The following KIAA1217 variants were observed in gnomAD, a reference collection of about 807,000 sequenced individuals.
KIAA1217 encodes the protein sickle tail protein homolog.
In KIAA1217, 88 loss-of-function variants were observed where a neutral mutation model predicts 163.9. That is an observed-to-expected ratio of 0.54 (90% CI 0.45 to 0.64). The LOEUF is 0.64. KIAA1217 is among the 30% of genes least tolerant of loss of function. KIAA1217 has a pLI of 0.00. For synonymous variants in KIAA1217, 903 were observed against 923.1 expected, an observed-to-expected ratio of 0.98 and a Z score of 0.39; for missense variants, 2,372 against 2,475.0, an observed-to-expected ratio of 0.96 and a Z score of 0.88.
intron 2 of KIAA1217, among the ~76,000 whole-genome samples, chr10:24,287,444 A>G (rs184942706): frequency 9.8e-5 from 15 of 152,348 alleles, no homozygotes; most frequent in Non-Finnish European, 1.6e-4. Context: ...TTAGGCCGAC[A>G]AATCAAGTTT....
chr10:23,810,551 T>C (rs1291725771), intron 1 of KIAA1217, among the ~76,000 whole-genome samples: 1 of 134,846 alleles, frequency 7.4e-6, no homozygotes. Flanking sequence ...GTATAATCTA[T>C]ATATAGTATA....
chr10:23,766,519 A>T (rs1178796505), intron 1 of KIAA1217, among the ~76,000 whole-genome samples: 1 of 149,520 alleles, frequency 6.7e-6, no homozygotes, highest in Non-Finnish European at 1.5e-5. Flanking sequence ...AAGTTAGTTG[A>T]TTCTCTGGGA....
In KIAA1217 at chr10:24,264,799, C is replaced by CTCAT. The variant is rs1490955540; in HGVS notation, c.354+44892_354+44893insATTC. 3.5e-5 allele frequency among the ~76,000 whole-genome samples: 5 copies of CTCAT among 144,658 alleles called. No homozygotes were observed. The South Asian group carries it at 1.1e-3, about 32-fold the overall frequency. 94.9% of individuals were successfully genotyped at this position (144,658 alleles called of 152,430 possible). A position where few individuals can be genotyped will look rare whatever the true frequency, so the allele number is the denominator to read the frequency against. Reference sequence around the variant, plus strand: ...TCTCTCTCTCTCTCTCTCTCTCTCTCTCTCATTCTCTCTTTCTCTCTCTCT... The same window carrying CTCAT: ...TCTCTCTCTCTCTCTCTCTCTCTCTCTCATTCTCATTCTCTCTTTCTCTCTCTCT... On this transcript the variant is annotated intron_variant, in intron 2 of 20. Transcript: ENST00000376454.
At chr10:23,923,400 C>T (rs183145323) in intron 1 of KIAA1217, among the ~76,000 whole-genome samples, 27 of 152,234 alleles carry the variant, frequency 1.8e-4, no homozygotes, top group Non-Finnish European at 3.5e-4. Context: ...GGATAATGGC[C>T]CCTCAAAGAT....
At chr10:23,976,452 C>T (rs1320000974) in intron 1 of KIAA1217, among the ~76,000 whole-genome samples, 1 of 152,186 alleles carries the variant, frequency 6.6e-6, no homozygotes, top group Non-Finnish European at 1.5e-5. Flanking sequence ...CCCACAGGCA[C>T]ATCTTCTATT....
intron 1 of KIAA1217, among the ~76,000 whole-genome samples, chr10:23,785,599 C>T (rs1339641010): frequency 1.3e-5 from 2 of 152,254 alleles, no homozygotes; most frequent in East Asian, 3.9e-4. Flanking sequence ...ACTTTTAACT[C>T]CCCTCTGCCA....
chr10:23,990,632 T>A lies in KIAA1217; in HGVS notation c.-320-16593T>A, dbSNP rs553663862. Among the ~76,000 whole-genome samples the A allele has an allele frequency of 1.8e-4, 28 of 152,328 alleles. No homozygotes were observed. In the South Asian group the frequency reaches 5.4e-3, roughly 29 times the overall value. On this transcript the variant is annotated intron_variant, in intron 1 of 18. Coordinates refer to the KIAA1217 transcript ENST00000376462. The stretch of plus-strand genomic sequence containing the variant: ...AGCATGCACTTTGTTTTTTTCTGAT[T>A]TTTTTCAAAGTAGGCATATCTGTTT...
intron 1 of KIAA1217, among the ~76,000 whole-genome samples, chr10:23,818,072 C>T (rs112817261): frequency 1.7e-5 from 2 of 119,120 alleles, no homozygotes; most frequent in East Asian, 2.2e-4. Context: ...TATATATATA[C>T]ACACACACAT....
At chr10:23,954,389 A>G (rs1040103554) in intron 1 of KIAA1217, among the ~76,000 whole-genome samples, 3 of 152,088 alleles carry the variant, frequency 2.0e-5, no homozygotes, top group Non-Finnish European at 4.4e-5. Context: ...ACATAGCAAG[A>G]TCCCATCTCT....
chr10:23,935,830 A>T (rs1363928775), intron 1 of KIAA1217, among the ~76,000 whole-genome samples: 1 of 152,208 alleles, frequency 6.6e-6, no homozygotes, highest in Non-Finnish European at 1.5e-5. Context: ...AACATTTTTT[A>T]AAATCACTTT....
At chr10:24,117,855 A>C (rs867862516) in intron 2 of KIAA1217, among the ~76,000 whole-genome samples, 1 of 152,090 alleles carries the variant, frequency 6.6e-6, no homozygotes, top group Non-Finnish European at 1.5e-5. Context: ...GTACTTTCAT[A>C]CGGAAAAGGG....
chr10:23,704,172 G>GCATATATA (rs1836706601), intron 1 of KIAA1217, among the ~76,000 whole-genome samples: 1 of 39,926 alleles, frequency 2.5e-5, no homozygotes, highest in Non-Finnish European at 4.1e-5. Flanking sequence ...GTGTGTGTGT[G>GCATATATA]TATATATATA....
chr10:24,412,486 G>A (rs1202906663), intron 3 of KIAA1217, among the ~76,000 whole-genome samples: 1 of 152,128 alleles, frequency 6.6e-6, no homozygotes, highest in African/African-American at 2.4e-5. Flanking sequence ...CAGAACTCGG[G>A]TCCAGGTCAC....
At chr10:24,029,032 C>T (rs1052240053) in intron 2 of KIAA1217, among the ~76,000 whole-genome samples, 2 of 151,996 alleles carry the variant, frequency 1.3e-5, no homozygotes, top group African/African-American at 4.8e-5. Context: ...ATACAGGGAG[C>T]CAAGGGCTGT....
intron 1 of KIAA1217, among the ~76,000 whole-genome samples, chr10:23,857,740 A>T (rs1009145986): frequency 6.6e-6 from 1 of 152,158 alleles, no homozygotes; most frequent in African/African-American, 2.4e-5. Context: ...GGAGTGGGGA[A>T]TCTTTTCTTG....
At chr10:24,346,769 C>T (rs1050156683) in intron 2 of KIAA1217, among the ~76,000 whole-genome samples, 1 of 151,806 alleles carries the variant, frequency 6.6e-6, no homozygotes, top group Non-Finnish European at 1.5e-5. Flanking sequence ...TGGGGTTTTG[C>T]CATGTTGGCC....
intron 1 of KIAA1217, among the ~76,000 whole-genome samples, chr10:23,770,769 G>A (rs936345792): frequency 1.3e-5 from 2 of 152,136 alleles, no homozygotes; most frequent in Non-Finnish European, 2.9e-5. Flanking sequence ...TGCATGGATT[G>A]ACCTTTGATC....
At chr10:24,540,121 G>A (rs2074793195) in intron 17 of KIAA1217, among the ~76,000 whole-genome samples, 1 of 152,160 alleles carries the variant, frequency 6.6e-6, no homozygotes, top group African/African-American at 2.4e-5. Context: ...GTGATAAAAA[G>A]TATAGGTCGT....
intron 4 of KIAA1217, among the ~76,000 whole-genome samples, chr10:24,437,140 C>A (rs1171702029): frequency 6.6e-6 from 1 of 152,164 alleles, no homozygotes; most frequent in Non-Finnish European, 1.5e-5. Context: ...GTGAGGTTTT[C>A]TAGTTTTTCA....
Sources: allele counts gnomAD v4.1 joint callset (sites outside exome capture counted in the v4.1 genomes callset), GRCh38; gene constraint gnomAD v4.1.1; transcripts MANE v1.5; gene names NCBI Gene and HGNC (gene_info 2026-07-23, HGNC 2026-07-21).